Variants in PPP2R1A observed in about 807,000 individuals in gnomAD.
The protein encoded by PPP2R1A is protein phosphatase 2 scaffold subunit Aalpha.
A neutral mutation model predicts 67.1 loss-of-function variants in PPP2R1A; 15 were observed. The ratio of observed to expected loss-of-function variants is 0.22; its 90% CI spans 0.15 to 0.34. PPP2R1A has a LOEUF of 0.34. PPP2R1A is among the 10% of genes least tolerant of loss of function. The pLI, the probability that PPP2R1A is intolerant of heterozygous loss-of-function variation, is 1.00. For synonymous variants in PPP2R1A, 337 were observed against 325.0 expected, an observed-to-expected ratio of 1.04 and a Z score of -0.40; for missense variants, 369 against 775.0, an observed-to-expected ratio of 0.48 and a Z score of 6.22.
intron 6 of PPP2R1A, among the ~76,000 whole-genome samples, chr19:52,214,917 G>T (rs1442524552): frequency 6.6e-6 from 1 of 152,024 alleles, no homozygotes; most frequent in Non-Finnish European, 1.5e-5. Flanking sequence ...GTAGAGATGG[G>T]GTTTCACCAT....
chr19:52,204,667 G>T (rs1425647337), intron 2 of PPP2R1A, among the ~76,000 whole-genome samples: 1 of 151,646 alleles, frequency 6.6e-6, no homozygotes, highest in Non-Finnish European at 1.5e-5. Flanking sequence ...AAGAAAACAG[G>T]GAGGGTGGTT....
chr19:52,225,011 CTTTTTTTTTTTTT>C lies in PPP2R1A; in HGVS notation c.1662-695_1662-683del, dbSNP rs61015844. ...CCCCCGTGCTCGGCCTTGAGTTTACCTTTTTTTTTTTTTTTTTTTTTTTGAGACGGAGTTTCGC... is the reference window on the plus strand; with the variant it reads ...CCCCCGTGCTCGGCCTTGAGTTTACCTTTTTTTTTTGAGACGGAGTTTCGC... On this transcript the variant is annotated intron_variant, in intron 13 of 14. Transcript: ENST00000322088. Among the ~76,000 whole-genome samples the C allele has an allele frequency of 8.9e-3, 895 of 101,104 alleles. 10 individuals carry two copies. The highest frequency in any genetic ancestry group is 0.036 in the African/African-American group (833 of 23,456). 66.3% of individuals were successfully genotyped at this position (101,104 alleles called of 152,430 possible).
chr19:52,192,485 T>C (rs1568584099), intron 1 of PPP2R1A, among the ~76,000 whole-genome samples: 1 of 151,952 alleles, frequency 6.6e-6, no homozygotes, highest in Non-Finnish European at 1.5e-5. Flanking sequence ...TTTTTGTGTG[T>C]GTGTTTTTAG....
At position 52,219,692 on chromosome 19, in the gene PPP2R1A, G is replaced by A. The variant is rs780300274; in HGVS notation, c.1130G>A (p.Cys377Tyr). The change falls in exon 10 of 15, where the codon TGC (cysteine) becomes TAC (tyrosine). Residue 377 changes from cysteine (C) to tyrosine (Y), a missense_variant and splice_region_variant. Cys to Tyr is a radical substitution (Grantham distance 194, BLOSUM62 -2). Coordinates refer to ENST00000322088, the MANE Select transcript of PPP2R1A (RefSeq NM_014225.6). This position sits in a 1 kb window ranked among gnomAD's most constrained non-coding sequence, Gnocchi z 4.0. The part of the protein sequence containing the change: ...PLFLAQLKDE[C>Y]PEVRLNIISN... ...AGAATCCTTCTTTCCTCTCCTCAGTGCCCTGAGGTACGGCTGAACATCATC... is the reference window on the plus strand; with the variant it reads ...AGAATCCTTCTTTCCTCTCCTCAGTACCCTGAGGTACGGCTGAACATCATC... 1 of 1,611,294 alleles carries A rather than the reference G, an allele frequency of 6.2e-7. No individual in the cohort carries two copies. The highest frequency in any genetic ancestry group is 8.5e-7 in the Non-Finnish European group (1 of 1,178,012).
intron 1 of PPP2R1A, among the ~76,000 whole-genome samples, chr19:52,199,239 T>G (rs1218294411): frequency 6.6e-6 from 1 of 152,084 alleles, no homozygotes; most frequent in Admixed American, 6.5e-5. Flanking sequence ...CCATCTCGGC[T>G]CACTGCAAGC....
At chr19:52,206,180 G>A (rs940308243) in intron 3 of PPP2R1A, 117 bp downstream of exon 3, 7 of 823,268 alleles carry the variant, frequency 8.5e-6, no homozygotes, top group African/African-American at 6.9e-5. Context: ...CAGAACAGCC[G>A]GGCCATGGAC....
At chr19:52,199,212 G>A (rs1443987654) in intron 1 of PPP2R1A, among the ~76,000 whole-genome samples, 2 of 150,932 alleles carry the variant, frequency 1.3e-5, no homozygotes, top group Non-Finnish European at 3.0e-5. Context: ...TGTCACCCAG[G>A]CTGGAGTGCA....
chr19:52,191,211 G>A (rs62109201), intron 1 of PPP2R1A: 9,800 of 152,326 alleles, frequency 0.064, 356 homozygotes, highest in Middle Eastern at 0.12. Context: ...CTCTGAGCCG[G>A]GCTGGTGTGG....
At chr19:52,205,402 C>T (rs758609217) in intron 2 of PPP2R1A, among the ~76,000 whole-genome samples, 29 of 152,144 alleles carry the variant, frequency 1.9e-4, no homozygotes, top group Non-Finnish European at 2.9e-4. Context: ...GTCCTGGGCT[C>T]GCTGATTATA....
In PPP2R1A at chr19:52,211,574, GC is replaced by G. The variant is rs2089671203; in HGVS notation, c.503+83del. On this transcript the variant is annotated intron_variant, in intron 4 of 14. Coordinates refer to ENST00000322088, the MANE Select transcript of PPP2R1A (RefSeq NM_014225.6). This position sits in a 1 kb window ranked among gnomAD's most constrained non-coding sequence, Gnocchi z 5.3. ...AAAGCCTCAGACTCCTTTTGGTCTA[GC>G]TGGGGCCCAAATGCCCCTGAACTCT... 3.5e-6 allele frequency: 5 copies of G among 1,427,054 alleles called. No homozygotes were observed. In the East Asian group the frequency reaches 1.2e-4, roughly 33 times the overall value. 88.4% of individuals were successfully genotyped at this position (1,427,054 alleles called of 1,614,324 possible). A position where few individuals can be genotyped will look rare whatever the true frequency, so the allele number is the denominator to read the frequency against.
intron 9 of PPP2R1A, among the ~76,000 whole-genome samples, chr19:52,218,328 C>T (rs144477900): frequency 1.3e-5 from 2 of 152,268 alleles, no homozygotes; most frequent in East Asian, 3.9e-4. Context: ...TCCTCCATGC[C>T]CCTAAAAGTT....
At chr19:52,201,803 G>A in intron 1 of PPP2R1A, 141 bp from the exon 2 acceptor site, 1 of 661,710 alleles carries the variant, frequency 1.5e-6, no homozygotes, top group South Asian at 1.8e-5. Flanking sequence ...TCTCTTGGTG[G>A]GTGTTTGCCA....
intron 2 of PPP2R1A, among the ~76,000 whole-genome samples, chr19:52,203,947 G>A (rs1035119155): frequency 6.6e-6 from 1 of 152,198 alleles, no homozygotes; most frequent in African/African-American, 2.4e-5. Context: ...AATGAGGTGT[G>A]GGGGAAAGGG....
intron 1 of PPP2R1A, among the ~76,000 whole-genome samples, chr19:52,191,670 C>G (rs2089455725): frequency 6.6e-6 from 1 of 152,142 alleles, no homozygotes; most frequent in Non-Finnish European, 1.5e-5. Flanking sequence ...CCTGTTTCCT[C>G]TTCTCTTTAA....
At chr19:52,199,467 C>A (rs1410306537) in intron 1 of PPP2R1A, among the ~76,000 whole-genome samples, 1 of 151,088 alleles carries the variant, frequency 6.6e-6, no homozygotes, top group Non-Finnish European at 1.5e-5. Context: ...CTGCGCCTGG[C>A]CTCCCCACAG....
chr19:52,218,358 C>G (rs1488332175), intron 9 of PPP2R1A, among the ~76,000 whole-genome samples: 1 of 151,942 alleles, frequency 6.6e-6, no homozygotes, highest in African/African-American at 2.4e-5. Flanking sequence ...AATTCTGTTA[C>G]AGTGGAGTAA....
chr19:52,216,796 A>G lies in PPP2R1A; in HGVS notation c.1128+133A>G, dbSNP rs930000110. The G allele has an allele frequency of 4.3e-6, 6 of 1,388,888 alleles. No homozygotes were observed. Among genetic ancestry groups the G allele is most frequent in the Non-Finnish European group, 3.9e-6 (4 of 1,014,640 alleles). 86.0% of individuals were successfully genotyped at this position (1,388,888 alleles called of 1,614,324 possible). A position where few individuals can be genotyped will look rare whatever the true frequency, so the allele number is the denominator to read the frequency against. ...GACATCCAGATCTTTGCTGAGTTGC[A>G]TGTTTGTGGGCATAGCTGTGTGTTC... On this transcript the variant is annotated intron_variant, in intron 9 of 14. Transcript: ENST00000322088. The surrounding 1 kb of genome is among the most constrained non-coding windows in gnomAD (Gnocchi z 4.3).
chr19:52,208,897 C>T (rs560166457), intron 3 of PPP2R1A, among the ~76,000 whole-genome samples: 8 of 152,228 alleles, frequency 5.3e-5, no homozygotes, highest in Admixed American at 2.0e-4. Flanking sequence ...AGGCGGTTCA[C>T]ACTCTTCCCT....
At chr19:52,197,076 G>A (rs2122287564) in intron 1 of PPP2R1A, among the ~76,000 whole-genome samples, 1 of 152,312 alleles carries the variant, frequency 6.6e-6, no homozygotes, top group South Asian at 2.1e-4. Flanking sequence ...CTAACTTGGG[G>A]ATCATCTGCA....
Sources: allele counts gnomAD v4.1 joint callset (sites outside exome capture counted in the v4.1 genomes callset), GRCh38; gene constraint gnomAD v4.1.1; non-coding constraint Gnocchi (gnomAD v3.1); transcripts MANE v1.5; gene names NCBI Gene and HGNC (gene_info 2026-07-23, HGNC 2026-07-21).